BRIP1: variants seen among roughly 807,000 people sequenced by gnomAD.
BRIP1 encodes Fanconi anemia group J protein.
In BRIP1, 88 loss-of-function variants were observed where a neutral mutation model predicts 119.7. That is an observed-to-expected ratio of 0.74 (90% CI 0.62 to 0.88). BRIP1 has a LOEUF of 0.88. BRIP1 is among the 40% of genes least tolerant of loss of function. The pLI, the probability that BRIP1 is intolerant of heterozygous loss-of-function variation, is 0.00. For missense variants in BRIP1, 1,259 were observed against 1,455.4 expected (o/e 0.87, Z 2.20); for synonymous variants, 443 against 496.5 (o/e 0.89, Z 1.43).
intron 13 of BRIP1, among the ~76,000 whole-genome samples, chr17:61,777,894 T>A (rs1321178043): frequency 6.6e-6 from 1 of 151,856 alleles, no homozygotes; most frequent in Non-Finnish European, 1.5e-5. Flanking sequence ...GGTTGAGGAA[T>A]GGGGGTGAAA....
Position 61,695,986 on chromosome 17 carries a change from G to A in BRIP1, c.2493-2474C>T, listed in dbSNP as rs888323093. On this transcript the variant is annotated intron_variant, in intron 17 of 19. Coordinates refer to ENST00000259008, the MANE Select transcript of BRIP1 (RefSeq NM_032043.3). This position sits in a 1 kb window ranked among gnomAD's most constrained non-coding sequence, Gnocchi z 4.3. ...TCTTCTTGTCTCACTGCCCTGGTTA[G>A]AACCTCCAATACAATATTGAATAGA... Among the ~76,000 whole-genome samples, 10 of 152,186 alleles carry A rather than the reference G, an allele frequency of 6.6e-5. No individual in the cohort carries two copies. Among genetic ancestry groups the A allele is most frequent in the African/African-American group, 2.2e-4 (9 of 41,540 alleles).
At chr17:61,801,635 A>G (rs557537143) in intron 7 of BRIP1, among the ~76,000 whole-genome samples, 161 bp from the exon 8 acceptor site, 1 of 152,220 alleles carries the variant, frequency 6.6e-6, no homozygotes, top group East Asian at 1.9e-4. Context: ...TTTTGAGACA[A>G]TACCATAGCT....
Position 61,796,502 on chromosome 17 carries a change from T to C in BRIP1, c.1340+2598A>G, listed in dbSNP as rs1258848152. Reference sequence around the variant, plus strand: ...ATCCAGTTTTCCCGGCACCATTTATTGAAGAGACTGTCTTTCCCTCAGTGC... The same window carrying C: ...ATCCAGTTTTCCCGGCACCATTTATCGAAGAGACTGTCTTTCCCTCAGTGC... On this transcript the variant is annotated intron_variant, in intron 9 of 19. Coordinates refer to ENST00000259008, the MANE Select transcript of BRIP1 (RefSeq NM_032043.3). This position sits in a 1 kb window ranked among gnomAD's most constrained non-coding sequence, Gnocchi z 4.8. Among the ~76,000 whole-genome samples the C allele has an allele frequency of 1.3e-5, 2 of 152,104 alleles. No homozygotes were observed. Among genetic ancestry groups the C allele is most frequent in the Non-Finnish European group, 2.9e-5 (2 of 67,976 alleles).
intron 14 of BRIP1, among the ~76,000 whole-genome samples, chr17:61,765,623 C>T (rs1457182912): frequency 6.7e-6 from 1 of 148,952 alleles, no homozygotes. Flanking sequence ...TTAGTACAGA[C>T]GGAGTTTCAC....
rs2078240135 is a variant in BRIP1, at chr17:61,816,597, C to A, written c.628-7840G>T. Among the ~76,000 whole-genome samples, 1 of 152,060 alleles carries A rather than the reference C, an allele frequency of 6.6e-6. No homozygotes were observed. Among genetic ancestry groups the A allele is most frequent in the Admixed American group, 6.6e-5 (1 of 15,254 alleles). On this transcript the variant is annotated intron_variant, in intron 6 of 19. Coordinates refer to ENST00000259008, the MANE Select transcript of BRIP1 (RefSeq NM_032043.3). The surrounding 1 kb of genome is among the most constrained non-coding windows in gnomAD (Gnocchi z 5.0). ...TCAATAAGAATTATCAGTTTAAGAA[C>A]AAGCATATCATAAAGATGACTGACC...
Position 61,683,571 on chromosome 17 carries a change from C to T in BRIP1, c.3475G>A (p.Ala1159Thr), listed in dbSNP as rs368610199. The T allele has an allele frequency of 1.1e-5, 17 of 1,612,724 alleles. No homozygotes were observed. The highest frequency in any genetic ancestry group is 1.4e-5 in the Non-Finnish European group (17 of 1,179,984). Residue 1159 changes from alanine to threonine, a missense_variant, in exon 20 of 20, where the codon GCT becomes ACT. Ala to Thr is a moderately conservative substitution (Grantham distance 58). Coordinates refer to ENST00000259008, the MANE Select transcript of BRIP1 (RefSeq NM_032043.3). The surrounding 1 kb of genome is among the most constrained non-coding windows in gnomAD (Gnocchi z 4.7). ...LAETDRGNRL[A>T]NNSDCILAKD... is the part of the protein sequence containing the mutation. Reference sequence around the variant, plus strand: ...GCTAAAATGCAATCTGAATTGTTAGCCAATCTATTTCCTCTATCAGTTTCA... The same window carrying T: ...GCTAAAATGCAATCTGAATTGTTAGTCAATCTATTTCCTCTATCAGTTTCA...
At chr17:61,694,341 A>G (rs1023254110) in intron 17 of BRIP1, among the ~76,000 whole-genome samples, 6 of 152,112 alleles carry the variant, frequency 3.9e-5, no homozygotes, top group African/African-American at 1.4e-4. Context: ...GGAATCAGAC[A>G]ATATGTAGCA....
intron 14 of BRIP1, among the ~76,000 whole-genome samples, chr17:61,763,452 C>A (rs1017710880): frequency 6.6e-6 from 1 of 152,110 alleles, no homozygotes. Context: ...TCTGTAGAAT[C>A]TTTTCCTTGA....
Position 61,780,113 on chromosome 17 carries a change from G to T in BRIP1, c.1935+148C>A. The T allele has an allele frequency of 1.2e-6, 1 of 826,722 alleles. No homozygotes were observed. The highest frequency in any genetic ancestry group is 1.9e-6 in the Non-Finnish European group (1 of 517,476). The allele number at this position is 826,722 out of a possible 1,614,324, so 51.2% of individuals were successfully genotyped here. On this transcript the variant is annotated intron_variant, in intron 13 of 19. Coordinates refer to ENST00000259008, the MANE Select transcript of BRIP1 (RefSeq NM_032043.3). The surrounding 1 kb of genome is among the most constrained non-coding windows in gnomAD (Gnocchi z 5.4). ...TCTGTTGACACATCATTAAGTAGCTGACAGATTTTCTTTTATTGTAAAACT... is the reference window on the plus strand; with the variant it reads ...TCTGTTGACACATCATTAAGTAGCTTACAGATTTTCTTTTATTGTAAAACT...
intron 10 of BRIP1, among the ~76,000 whole-genome samples, chr17:61,792,275 A>G (rs912688043): frequency 6.6e-6 from 1 of 152,206 alleles, no homozygotes; most frequent in African/African-American, 2.4e-5. Flanking sequence ...ACTGTTTAGC[A>G]GTTTCTTGCA....
rs1404406475 is a variant in BRIP1, at chr17:61,735,428, C to T, written c.2379+7585G>A. On this transcript the variant is annotated intron_variant, in intron 16 of 19. Coordinates refer to ENST00000259008, the MANE Select transcript of BRIP1 (RefSeq NM_032043.3). The surrounding 1 kb of genome is among the most constrained non-coding windows in gnomAD (Gnocchi z 4.4). ...CTATTGGCCTCTGGAAGTATACTGT[C>T]ATGATACGAGGGGGCTTGTGAAAAG... 1.3e-5 allele frequency among the ~76,000 whole-genome samples: 2 copies of T among 152,024 alleles called. No homozygotes were observed. The highest frequency in any genetic ancestry group is 3.8e-4 in the East Asian group (2 of 5,200).
rs191330349 is a variant in BRIP1, at chr17:61,833,572, G to A, written c.627+13529C>T. ...TGTAATCCCAGCTACTCGAGCGGCT[G>A]AGGCAGGAGAATTGCTTGAACCCAG... On this transcript the variant is annotated intron_variant, in intron 6 of 19. Coordinates refer to ENST00000259008, the MANE Select transcript of BRIP1 (RefSeq NM_032043.3). Among the ~76,000 whole-genome samples the A allele has an allele frequency of 3.3e-3, 497 of 151,882 alleles. 3 individuals carry two copies. The highest frequency in any genetic ancestry group is 0.011 in the African/African-American group (473 of 41,392).
In BRIP1 at chr17:61,857,140, G is replaced by C. The variant is rs201617644; in HGVS notation, c.297C>G (p.Asp99Glu). The C allele has an allele frequency of 1.2e-6, 2 of 1,614,064 alleles. No homozygotes were observed. Among genetic ancestry groups the C allele is most frequent in the Non-Finnish European group, 1.7e-6 (2 of 1,179,950 alleles). ...AATGACGTGAAGTTCCTTGGTTCAT[G>C]TCATTGTTTGTAAAATCCTTTGAAT... ...ACHSKDFTNN[D>E]MNQGTSRHFN... Residue 99 changes from aspartate (D) to glutamate (E), a missense_variant, in exon 4 of 20, where the codon GAC becomes GAG. Asp to Glu is a conservative substitution (Grantham distance 45). Around this residue, in one of 3 missense-constraint regions of BRIP1, gnomAD observed 501 missense variants for 544.0 expected, o/e 0.92. Transcript: ENST00000259008. The surrounding 1 kb of genome is among the most constrained non-coding windows in gnomAD (Gnocchi z 5.1).
chr17:61,783,549 G>A (rs2077655866), intron 11 of BRIP1, among the ~76,000 whole-genome samples: 1 of 151,712 alleles, frequency 6.6e-6, no homozygotes. Context: ...GGTTAAAATG[G>A]TGTATTTTAT....
At chr17:61,771,303 T>C (rs1160363982) in intron 14 of BRIP1, among the ~76,000 whole-genome samples, 1 of 152,194 alleles carries the variant, frequency 6.6e-6, no homozygotes, top group East Asian at 1.9e-4. Flanking sequence ...GAGTTTCTTT[T>C]TGGGGTCAGA....
chr17:61,859,747 T>C (rs773406157), intron 3 of BRIP1, 49 bp downstream of exon 3: 1 of 1,184,226 alleles, frequency 8.4e-7, no homozygotes, highest in South Asian at 1.2e-5. Flanking sequence ...CTGTATTATA[T>C]TTTCTCAGAT....
intron 10 of BRIP1, among the ~76,000 whole-genome samples, chr17:61,784,683 G>T (rs1478639796): frequency 1.3e-5 from 2 of 152,134 alleles, no homozygotes; most frequent in African/African-American, 2.4e-5. Flanking sequence ...AAGTAGAGAG[G>T]GGGTGAGTTA....
chr17:61,750,597 G>C (rs1315289929), intron 14 of BRIP1, among the ~76,000 whole-genome samples: 1 of 151,876 alleles, frequency 6.6e-6, no homozygotes, highest in African/African-American at 2.4e-5. Context: ...AAAGCATATG[G>C]CTGATAAAAG....
rs2076923532 is a variant in BRIP1, at chr17:61,736,729, A to G, written c.2379+6284T>C. On this transcript the variant is annotated intron_variant, in intron 16 of 19. Transcript: ENST00000259008. The surrounding 1 kb of genome is among the most constrained non-coding windows in gnomAD (Gnocchi z 4.4). ...TTATTAAACACTGTGTTTTTAGGTA[A>G]TATCTTAGTTGTAGAGACACAAAGA... Among the ~76,000 whole-genome samples, 1 of 152,204 alleles carries G rather than the reference A, an allele frequency of 6.6e-6. No individual in the cohort carries two copies. Among genetic ancestry groups the G allele is most frequent in the African/African-American group, 2.4e-5 (1 of 41,464 alleles).
Sources: allele counts gnomAD v4.1 joint callset (sites outside exome capture counted in the v4.1 genomes callset), GRCh38; gene constraint gnomAD v4.1.1; regional missense constraint gnomAD v4.1.1; non-coding constraint Gnocchi (gnomAD v3.1); transcripts MANE v1.5; gene names NCBI Gene and HGNC (gene_info 2026-07-23, HGNC 2026-07-21).